Variants in BBS1 observed in about 807,000 individuals in gnomAD.
BBS1 encodes the protein BBSome complex member BBS1.
BBS1 carries 60 observed loss-of-function variants against 73.9 expected under a neutral mutation model. The ratio of observed to expected loss-of-function variants is 0.81; its 90% CI spans 0.66 to 1.01. BBS1 has a LOEUF of 1.01. BBS1 is among the 50% of genes least tolerant of loss of function. BBS1 has a pLI of 0.00. For synonymous variants in BBS1, 283 were observed against 317.4 expected (o/e 0.89, Z 1.15); for missense variants, 718 against 770.3 (o/e 0.93, Z 0.80).
intron 13 of BBS1, among the ~76,000 whole-genome samples, chr11:66,528,885 T>C (rs570370789): frequency 1.3e-5 from 2 of 149,688 alleles, no homozygotes; most frequent in African/African-American, 4.9e-5. Context: ...GGAGAATCGA[T>C]TGAACCCGGG....
chr11:66,510,975 T>C (rs774340289), intron 1 of BBS1, 38 bp from the exon 2 acceptor site: 2 of 1,608,850 alleles, frequency 1.2e-6, no homozygotes, highest in Non-Finnish European at 8.5e-7. Context: ...TCCCCTCCCA[T>C]GGGACTCACT....
In BBS1 at chr11:66,521,285, G is replaced by A. The variant is rs763004810; in HGVS notation, c.739G>A (p.Val247Ile). 3.4e-5 allele frequency: 55 copies of A among 1,613,976 alleles called. No individual in the cohort carries two copies. The highest frequency in any genetic ancestry group is 4.1e-5 in the Non-Finnish European group (48 of 1,179,970). Residue 247 changes from valine to isoleucine, a missense_variant, in exon 9 of 17, where the codon GTC becomes ATC. Physicochemically the swap from Val to Ile is conservative, Grantham distance 29. Transcript: ENST00000318312. ...TILAKMSLPS[V>I]PVFLEVSGQF... ...TTGTTTGCAGATGAGCCTTCCCAGC[G>A]TCCCCGTCTTCCTAGAGGTTTCTGG...
chr11:66,514,447 C>T lies in BBS1; in HGVS notation c.201C>T (p.Arg67=), dbSNP rs2134771274. 6.2e-7 allele frequency: 1 copy of T among 1,614,146 alleles called. No individual in the cohort carries two copies. ...GDLGPGGQQP[R]LKVLKGPLVM... is the part of the protein sequence containing the mutation. ...TTGGCCCTGGTGGGCAGCAGCCCCG[C>T]CTGAAGGTGCTCAAAGGACCACTGG... The change falls in exon 4 of 17, where the codon CGC becomes CGT. Residue 67 remains arginine (R), a synonymous_variant. Transcript: ENST00000318312.
At chr11:66,526,085 A>C in intron 11 of BBS1, 38 bp from the exon 12 acceptor site, 2 of 1,606,858 alleles carry the variant, frequency 1.2e-6, no homozygotes, top group Non-Finnish European at 1.7e-6. Flanking sequence ...TTCCTCTCCA[A>C]GATATTTCCC....
At position 66,511,108 on chromosome 11, in the gene BBS1, G is replaced by C. The variant is rs761993639; in HGVS notation, c.124+19G>C. On this transcript the variant is annotated intron_variant, in intron 2 of 16. Coordinates refer to ENST00000318312, the MANE Select transcript of BBS1 (RefSeq NM_024649.5). ...TGCCTAGGTGAGTCTCTGGAACCAGGAACCCTGGGTTCTAGTGGGATGGGG... is the reference window on the plus strand; with the variant it reads ...TGCCTAGGTGAGTCTCTGGAACCAGCAACCCTGGGTTCTAGTGGGATGGGG... The C allele has an allele frequency of 6.2e-7, 1 of 1,614,066 alleles. No individual in the cohort carries two copies. Among genetic ancestry groups the C allele is most frequent in the Admixed American group, 1.7e-5 (1 of 60,002 alleles).
chr11:66,530,856 C>T (rs751456406), intron 14 of BBS1, 38 bp from the exon 15 acceptor site: 20 of 1,614,090 alleles, frequency 1.2e-5, no homozygotes, highest in Non-Finnish European at 1.7e-5. Flanking sequence ...CCAAGGCTGC[C>T]AGGTCCTAAG....
intron 13 of BBS1, chr11:66,529,326 C>T (rs1451444205): frequency 6.5e-7 from 1 of 1,535,952 alleles, no homozygotes; most frequent in Non-Finnish European, 8.7e-7. Context: ...AGGCTGGTTT[C>T]CGCAGCATTG....
At chr11:66,512,645 T>C (rs770019014) in intron 3 of BBS1, among the ~76,000 whole-genome samples, 2 of 152,008 alleles carry the variant, frequency 1.3e-5, no homozygotes, top group Non-Finnish European at 2.9e-5. Flanking sequence ...CTTACAATAG[T>C]GAGGGAAGAG....
chr11:66,526,279 G>A (rs558686944), intron 12 of BBS1, 87 bp downstream of exon 12: 1 of 1,361,958 alleles, frequency 7.3e-7, no homozygotes, highest in African/African-American at 1.4e-5. Flanking sequence ...AGGTGGAAAT[G>A]AAGCATGGGT....
At position 66,515,600 on chromosome 11, in the gene BBS1, T is replaced by A. The variant is rs1856031986; in HGVS notation, c.479+14T>A. 1.2e-6 allele frequency: 2 copies of A among 1,613,974 alleles called. No individual in the cohort carries two copies. The highest frequency in any genetic ancestry group is 2.7e-5 in the African/African-American group (2 of 74,864). Reference sequence around the variant, plus strand: ...GGAGAGCATCCGGTGAGAGGCTGCCTTCCCCTTCATACCCCCCTCACTCCT... The same window carrying A: ...GGAGAGCATCCGGTGAGAGGCTGCCATCCCCTTCATACCCCCCTCACTCCT... On this transcript the variant is annotated intron_variant, in intron 5 of 16. Coordinates refer to ENST00000318312, the MANE Select transcript of BBS1 (RefSeq NM_024649.5).
At chr11:66,522,668 A>G (rs535691711) in intron 9 of BBS1, among the ~76,000 whole-genome samples, 1 of 152,290 alleles carries the variant, frequency 6.6e-6, no homozygotes, top group African/African-American at 2.4e-5. Flanking sequence ...TTTTAATTCA[A>G]TAAATATTTA....
chr11:66,531,947 A>G lies in BBS1; in HGVS notation c.1696-4A>G, dbSNP rs761149202. Reference sequence around the variant, plus strand: ...CCCCTGCTGCCATGGCCACTCCTCCATAGGTGCTGGTGCTTCGAGAAGGCC... The same window carrying G: ...CCCCTGCTGCCATGGCCACTCCTCCGTAGGTGCTGGTGCTTCGAGAAGGCC... On this transcript the variant is annotated splice_region_variant and splice_polypyrimidine_tract_variant and intron_variant, in intron 16 of 16. Coordinates refer to ENST00000318312, the MANE Select transcript of BBS1 (RefSeq NM_024649.5). 4 of 1,585,812 alleles carry G rather than the reference A, an allele frequency of 2.5e-6. No individual in the cohort carries two copies. The highest frequency in any genetic ancestry group is 1.4e-5 in the African/African-American group (1 of 74,064).
chr11:66,522,621 C>G (rs1256627079), intron 9 of BBS1, among the ~76,000 whole-genome samples: 1 of 152,160 alleles, frequency 6.6e-6, no homozygotes, highest in African/African-American at 2.4e-5. Flanking sequence ...GCCGGGATTA[C>G]AGTCATAAGC....
Position 66,516,927 on chromosome 11 carries a change from C to T in BBS1, c.591+994C>T, listed in dbSNP as rs776272322. On this transcript the variant is annotated intron_variant, in intron 7 of 16. Transcript: ENST00000318312. ...TAAAGAAAAACATCTTGGCCGGGCG[C>T]GGTGGCTCACGCCTGTAATCCCAGC... Among the ~76,000 whole-genome samples, 9 of 152,176 alleles carry T rather than the reference C, an allele frequency of 5.9e-5. 1 individual carries two copies. Among genetic ancestry groups the T allele is most frequent in the Admixed American group, 1.3e-4 (2 of 15,268 alleles).
At chr11:66,510,873 C>T in intron 1 of BBS1, 140 bp from the exon 2 acceptor site, 3 of 1,368,734 alleles carry the variant, frequency 2.2e-6, no homozygotes, top group South Asian at 1.2e-5. Flanking sequence ...GGAGGTCGCT[C>T]GGTGAGCCAG....
chr11:66,522,360 GACAGAGTC>G (rs1441646753), intron 9 of BBS1, among the ~76,000 whole-genome samples: 3 of 146,586 alleles, frequency 2.0e-5, no homozygotes, highest in African/African-American at 5.1e-5. Flanking sequence ...TATTTTGTGA[GACAGAGTC>G]ACAGAGTCTC....
chr11:66,511,168 AT>A, intron 2 of BBS1, 36 bp from the exon 3 acceptor site: 1 of 1,613,994 alleles, frequency 6.2e-7, no homozygotes, highest in Non-Finnish European at 8.5e-7. Context: ...AGCCTCTGGG[AT>A]TCTGAGACTC....
At chr11:66,529,696 C>A (rs1590779016) in intron 13 of BBS1, 123 bp from the exon 14 acceptor site, 1 of 1,256,966 alleles carries the variant, frequency 8.0e-7, no homozygotes, top group Non-Finnish European at 1.1e-6. Context: ...CTCCTGCAGA[C>A]TCCTCCTGCA....
chr11:66,517,040 A>AG (rs1856064370), intron 7 of BBS1, among the ~76,000 whole-genome samples: 1 of 152,098 alleles, frequency 6.6e-6, no homozygotes, highest in Admixed American at 6.6e-5. Flanking sequence ...TCTACTAAAA[A>AG]TACAAAAAAT....
Sources: allele counts gnomAD v4.1 joint callset (sites outside exome capture counted in the v4.1 genomes callset), GRCh38; gene constraint gnomAD v4.1.1; transcripts MANE v1.5; gene names NCBI Gene and HGNC (gene_info 2026-07-23, HGNC 2026-07-21).